GZMA: variants seen among roughly 807,000 people sequenced by gnomAD.
GZMA encodes the protein granzyme A, also known as CTL tryptase.
Under a neutral mutation model 21.1 loss-of-function variants are expected in GZMA, and 17 were observed. That is an observed-to-expected ratio of 0.81 (90% CI 0.55 to 1.21). The LOEUF is 1.21. GZMA is among the 50% of genes most tolerant of loss of function. GZMA has a pLI of 0.00. For synonymous variants in GZMA, 90 were observed against 107.8 expected, an observed-to-expected ratio of 0.83 and a Z score of 1.03; for missense variants, 306 against 315.9, an observed-to-expected ratio of 0.97 and a Z score of 0.24.
chr5:55,108,399 G>T lies in GZMA; in HGVS notation c.627+5G>T. The T allele has an allele frequency of 6.2e-7, 1 of 1,603,494 alleles. No homozygotes were observed. Among genetic ancestry groups the T allele is most frequent in the Non-Finnish European group, 8.5e-7 (1 of 1,172,288 alleles). ...GGTGGAAGAGACTCGTGCAATGTAA[G>T]TAAAATAAGATCCCACGTTTCAGCT... On this transcript the variant is annotated splice_donor_5th_base_variant and intron_variant, in intron 4 of 4. Coordinates refer to ENST00000274306, the MANE Select transcript of GZMA (RefSeq NM_006144.4).
intron 2 of GZMA, among the ~76,000 whole-genome samples, chr5:55,107,586 G>A (rs1742434581): frequency 6.6e-6 from 1 of 152,090 alleles, no homozygotes; most frequent in Non-Finnish European, 1.5e-5. Context: ...TAAATAAGCT[G>A]GTGATGATGA....
rs762765865 is a variant in GZMA at position 55,108,158 on chromosome 5, A to T, written c.391A>T (p.Thr131Ser). The T allele has an allele frequency of 6.2e-7, 1 of 1,608,046 alleles. No individual in the cohort carries two copies. Among genetic ancestry groups the T allele is most frequent in the Non-Finnish European group, 8.5e-7 (1 of 1,174,588 alleles). The change falls in exon 4 of 5, where the codon ACT (threonine) becomes TCT (serine). Residue 131 changes from threonine to serine, a missense_variant. Coordinates refer to ENST00000274306, the MANE Select transcript of GZMA (RefSeq NM_006144.4). Reference protein sequence around the residue: ...MEKAKINKYVTILHLPKKGDD... With the variant: ...MEKAKINKYVSILHLPKKGDD... ...AAAAGCAAAAATTAACAAATATGTG[A>T]CTATCCTTCATCTACCTAAAAAGGG...
At chr5:55,108,601 T>G (rs960240553) in intron 4 of GZMA, among the ~76,000 whole-genome samples, 3 of 152,192 alleles carry the variant, frequency 2.0e-5, no homozygotes, top group Non-Finnish European at 4.4e-5. Context: ...TCACTGCTAG[T>G]GCATGGGGTG....
intron 1 of GZMA, among the ~76,000 whole-genome samples, chr5:55,103,063 C>A (rs780809380): frequency 7.0e-6 from 1 of 142,944 alleles, no homozygotes; most frequent in Admixed American, 7.0e-5. Context: ...AAAAAAAAAT[C>A]TTTTCTTCTC....
intron 1 of GZMA, among the ~76,000 whole-genome samples, chr5:55,104,325 T>C (rs1742350080): frequency 1.3e-5 from 2 of 152,132 alleles, no homozygotes; most frequent in South Asian, 4.1e-4. Context: ...CTAGGAAAAT[T>C]GGGATTGGGT....
chr5:55,103,496 G>C (rs112720659), intron 1 of GZMA, among the ~76,000 whole-genome samples: 1 of 152,126 alleles, frequency 6.6e-6, no homozygotes, highest in Non-Finnish European at 1.5e-5. Context: ...AGCATGCATG[G>C]GTTAAAATGC....
In GZMA at chr5:55,105,767, G is replaced by A. The variant is rs553878187; in HGVS notation, c.215+149G>A. The stretch of plus-strand genomic sequence containing the variant: ...GCAGGTGGATCACATGAGGTCAGGA[G>A]TTTGAGACTAGCCTGGCCAACATGG... On this transcript the variant is annotated intron_variant, in intron 2 of 4. Transcript: ENST00000274306. The A allele has an allele frequency of 3.6e-4, 238 of 665,332 alleles. No individual in the cohort carries two copies. In the African/African-American group the frequency reaches 4.2e-3, roughly 12 times the overall value. The allele number at this position is 665,332 out of a possible 1,614,324, so 41.2% of individuals were successfully genotyped here.
chr5:55,104,967 A>G (rs1742361578), intron 1 of GZMA, among the ~76,000 whole-genome samples: 1 of 152,216 alleles, frequency 6.6e-6, no homozygotes, highest in African/African-American at 2.4e-5. Flanking sequence ...ATAATGACCA[A>G]AGGACTGAGG....
chr5:55,107,831 A>G lies in GZMA; in HGVS notation c.253A>G (p.Ile85Val). 6.2e-7 allele frequency: 1 copy of G among 1,612,626 alleles called. No homozygotes were observed. Among genetic ancestry groups the G allele is most frequent in the South Asian group, 1.1e-5 (1 of 91,058 alleles). ...RSQVILGAHS[I>V]TREEPTKQIM... ...CCAGGTCATTCTTGGGGCTCACTCA[A>G]TAACCAGGGAAGAGCCAACAAAACA... Residue 85 changes from isoleucine to valine, a missense_variant, in exon 3 of 5, where the codon ATA becomes GTA. Transcript: ENST00000274306.
intron 1 of GZMA, among the ~76,000 whole-genome samples, chr5:55,102,982 T>G (rs1742329303): frequency 6.6e-6 from 1 of 151,854 alleles, no homozygotes; most frequent in Admixed American, 6.6e-5. Context: ...GGCGACATAG[T>G]GAGACCCTGT....
At chr5:55,107,989 C>G in intron 3 of GZMA, 54 bp downstream of exon 3, 1 of 1,535,384 alleles carries the variant, frequency 6.5e-7, no homozygotes. Flanking sequence ...ACAATCTGGC[C>G]GCCGACGTGA....
intron 2 of GZMA, among the ~76,000 whole-genome samples, chr5:55,105,840 C>T (rs57772173): frequency 0.035 from 5,335 of 151,648 alleles, 354 homozygotes; most frequent in African/African-American, 0.12. Context: ...GGCGTGGTGG[C>T]GCATGCCTGT....
chr5:55,105,834 T>G (rs1332512112), intron 2 of GZMA, among the ~76,000 whole-genome samples: 1 of 151,604 alleles, frequency 6.6e-6, no homozygotes, highest in Non-Finnish European at 1.5e-5. Flanking sequence ...TAGCCAGGCG[T>G]GGTGGCGCAT....
intron 4 of GZMA, 142 bp from the exon 5 acceptor site, chr5:55,109,879 T>C: frequency 2.2e-6 from 1 of 464,344 alleles, no homozygotes; most frequent in Middle Eastern, 3.4e-4. Context: ...CCAAACATTT[T>C]AATTTTTAAA....
chr5:55,110,179 T>C lies in GZMA; in HGVS notation c.786T>C (p.Val262=), dbSNP rs1742478222. 1 of 1,582,342 alleles carries C rather than the reference T, an allele frequency of 6.3e-7. No individual in the cohort carries two copies. The highest frequency in any genetic ancestry group is 1.4e-5 in the African/African-American group (1 of 72,798). Residue 262 remains valine, a synonymous_variant, in exon 5 of 5, where the codon GTT becomes GTC. Coordinates refer to ENST00000274306, the MANE Select transcript of GZMA (RefSeq NM_006144.4). ...TAATTATGACTATCAAGGGAGCAGT[T>C]TAAATAACCGTTTCCTTTCATTTAC... The part of the protein sequence containing the change: ...NWIIMTIKGA[V]
chr5:55,109,562 C>A (rs1296244431), intron 4 of GZMA, among the ~76,000 whole-genome samples: 1 of 152,182 alleles, frequency 6.6e-6, no homozygotes, highest in South Asian at 2.1e-4. Flanking sequence ...TATTTCATAT[C>A]TTTATAAGGC....
intron 4 of GZMA, among the ~76,000 whole-genome samples, chr5:55,108,858 T>C (rs1296370339): frequency 1.3e-5 from 2 of 152,182 alleles, no homozygotes; most frequent in Admixed American, 1.3e-4. Context: ...GGCTGAATAT[T>C]TCCAGCCAGA....
In GZMA at chr5:55,108,327, T is replaced by G. The variant is rs771220491; in HGVS notation, c.560T>G (p.Phe187Cys). The change falls in exon 4 of 5, where the codon TTT becomes TGT. Residue 187 changes from phenylalanine to cysteine, a missense_variant. Phe to Cys is a radical substitution (Grantham distance 205). Transcript: ENST00000274306. ...TGCAATGATCGAAATCACTATAATT[T>G]TAACCCTGTGATTGGAATGAATATG... ...KVCNDRNHYNFNPVIGMNMVC... is the reference protein window; with the variant it reads ...KVCNDRNHYNCNPVIGMNMVC... 3.7e-6 allele frequency: 6 copies of G among 1,613,180 alleles called. No homozygotes were observed. The highest frequency in any genetic ancestry group is 5.1e-6 in the Non-Finnish European group (6 of 1,179,166).
At position 55,107,751 on chromosome 5, in the gene GZMA, T is replaced by A. The variant is rs180863855; in HGVS notation, c.216-43T>A. The A allele has an allele frequency of 2.3e-4, 361 of 1,558,518 alleles. No homozygotes were observed. In the African/African-American group the frequency reaches 3.9e-3, roughly 17 times the overall value. ...ATCAGTATATATGCTCAACTGCCAA[T>A]ACAAAGAATAAATCCAGTAAATAAT... On this transcript the variant is annotated intron_variant, in intron 2 of 4. Coordinates refer to ENST00000274306, the MANE Select transcript of GZMA (RefSeq NM_006144.4).
Sources: gnomAD v4.1 joint callset for allele counts (sites outside exome capture counted in the v4.1 genomes callset) on GRCh38, gnomAD v4.1.1 for gene constraint, MANE v1.5 for transcripts, NCBI Gene and HGNC (gene_info 2026-07-23, HGNC 2026-07-21) for gene names.